The following SGCG variants were observed in gnomAD, a reference collection of about 807,000 sequenced individuals.
SGCG encodes sarcoglycan gamma.
In SGCG, 26 loss-of-function variants were observed where a neutral mutation model predicts 29.3. The observed-to-expected ratio is 0.89, with a 90% CI of 0.65 to 1.23. The LOEUF is 1.23. SGCG is among the 50% of genes most tolerant of loss of function. The probability of loss-of-function intolerance (pLI) is 0.00; values close to 1 mark genes in which losing one functional copy is unlikely to be tolerated. For synonymous variants in SGCG, 145 were observed against 129.7 expected (o/e 1.12, Z -0.80); for missense variants, 353 against 356.0 (o/e 0.99, Z 0.07).
At chr13:23,237,790 A>T (rs1241086069) in intron 3 of SGCG, among the ~76,000 whole-genome samples, 1 of 114,456 alleles carries the variant, frequency 8.7e-6, no homozygotes, top group Non-Finnish European at 1.8e-5. Flanking sequence ...ATATGATGAA[A>T]TCTTCATCTA....
upstream of SGCG, among the ~76,000 whole-genome samples, chr13:23,177,641 G>C (rs1346507864): frequency 7.3e-6 from 1 of 137,106 alleles, no homozygotes; most frequent in Non-Finnish European, 1.5e-5. Context: ...GTGTGATCTC[G>C]GCTCACTGCA....
intron 4 of SGCG, among the ~76,000 whole-genome samples, chr13:23,261,776 T>C (rs1880446750): frequency 6.6e-6 from 1 of 151,986 alleles, no homozygotes; most frequent in Non-Finnish European, 1.5e-5. Flanking sequence ...AGGTAACCTA[T>C]AAAGGAAAAC....
chr13:23,200,849 T>TG (rs1386248577), intron 1 of SGCG, among the ~76,000 whole-genome samples: 2 of 151,964 alleles, frequency 1.3e-5, no homozygotes, highest in African/African-American at 4.8e-5. Context: ...GTCCCTGAGG[T>TG]GGGGTCACAC....
intron 6 of SGCG, among the ~76,000 whole-genome samples, chr13:23,318,498 C>T (rs1167139678): frequency 6.6e-6 from 1 of 150,880 alleles, no homozygotes; most frequent in Non-Finnish European, 1.5e-5. Context: ...CACACATAAG[C>T]ATTTGGATAT....
chr13:23,271,950 ATTTAT>A (rs914992651), intron 4 of SGCG, among the ~76,000 whole-genome samples: 2 of 152,024 alleles, frequency 1.3e-5, no homozygotes, highest in African/African-American at 4.8e-5. Context: ...CTCCACTATT[ATTTAT>A]TTTAACTTTT....
intron 2 of SGCG, among the ~76,000 whole-genome samples, chr13:23,211,160 C>T (rs1878189644): frequency 6.6e-6 from 1 of 152,150 alleles, no homozygotes; most frequent in Non-Finnish European, 1.5e-5. Flanking sequence ...GGAAAATTGC[C>T]GATGCCTGCT....
chr13:23,249,865 T>C (rs1273506814), intron 3 of SGCG, among the ~76,000 whole-genome samples: 1 of 152,188 alleles, frequency 6.6e-6, no homozygotes, highest in Non-Finnish European at 1.5e-5. Context: ...ATAGTTTACC[T>C]GCATGGAAAA....
intron 2 of SGCG, among the ~76,000 whole-genome samples, chr13:23,234,310 C>T (rs1439790482): frequency 6.6e-6 from 1 of 151,768 alleles, no homozygotes. Context: ...TTTTATTGTA[C>T]CTTAATTTAA....
chr13:23,207,705 G>C (rs947656789), intron 2 of SGCG, among the ~76,000 whole-genome samples: 5 of 152,064 alleles, frequency 3.3e-5, no homozygotes, highest in African/African-American at 4.8e-5. Context: ...AAAGTGTTCA[G>C]CATCACTAAT....
chr13:23,243,146 C>T (rs12100062), intron 3 of SGCG, among the ~76,000 whole-genome samples: 5,406 of 152,168 alleles, frequency 0.036, 332 homozygotes, highest in African/African-American at 0.12. Flanking sequence ...AGAGCTTTAC[C>T]GTGTGAACAC....
At chr13:23,313,287 C>G (rs965416924) in intron 6 of SGCG, among the ~76,000 whole-genome samples, 4 of 152,034 alleles carry the variant, frequency 2.6e-5, no homozygotes, top group African/African-American at 9.7e-5. Flanking sequence ...GCCTCAGCCT[C>G]CCAGGTAGCT....
chr13:23,177,488 T>C (rs914612102), upstream of SGCG, among the ~76,000 whole-genome samples: 5 of 152,090 alleles, frequency 3.3e-5, no homozygotes, highest in African/African-American at 1.2e-4. Context: ...AAGTATCACG[T>C]TGTACCCAGT....
intron 4 of SGCG, among the ~76,000 whole-genome samples, chr13:23,254,010 T>G (rs1880083090): frequency 6.6e-6 from 1 of 152,222 alleles, no homozygotes; most frequent in African/African-American, 2.4e-5. Flanking sequence ...TAAACCTCTT[T>G]TCTTTATAAA....
chr13:23,160,625 G>A, the SGCG span, among the ~76,000 whole-genome samples: 2 of 152,106 alleles, frequency 1.3e-5, no homozygotes, highest in East Asian at 3.9e-4. Flanking sequence ...TTTGCGCCCC[G>A]GGACTCCAAG....
chr13:23,311,277 T>C lies in SGCG; in HGVS notation c.579-9360T>C, dbSNP rs555443574. 5.3e-5 allele frequency among the ~76,000 whole-genome samples: 8 copies of C among 152,372 alleles called. No homozygotes were observed. In the South Asian group the frequency reaches 1.7e-3, roughly 32 times the overall value. On this transcript the variant is annotated intron_variant, in intron 6 of 7. Transcript: ENST00000218867. ...TATTGTTAATGTTGGCCATCTGCAGTTTCACCACGGTGTCTGGTATGTGTT... is the reference window on the plus strand; with the variant it reads ...TATTGTTAATGTTGGCCATCTGCAGCTTCACCACGGTGTCTGGTATGTGTT...
chr13:23,167,554 C>G, the SGCG span, among the ~76,000 whole-genome samples: 41 of 152,282 alleles, frequency 2.7e-4, no homozygotes, highest in African/African-American at 9.4e-4. Context: ...CACGTCCTCG[C>G]CAGCATTTGT....
chr13:23,230,291 C>T (rs1021350168), intron 2 of SGCG, among the ~76,000 whole-genome samples: 3 of 152,086 alleles, frequency 2.0e-5, no homozygotes, highest in African/African-American at 7.2e-5. Context: ...TCCATATGAA[C>T]CTTAGAATAG....
chr13:23,273,561 ATTCTAAAAT>A (rs1369576392), intron 4 of SGCG, among the ~76,000 whole-genome samples: 9 of 152,188 alleles, frequency 5.9e-5, no homozygotes, highest in Non-Finnish European at 1.3e-4. Context: ...CATGCCACAG[ATTCTAAAAT>A]ATAGTGTTTT....
rs886042216 is a variant in SGCG, at chr13:23,295,426, G to A, written c.517G>A (p.Ala173Thr). Residue 173 changes from alanine to threonine, a missense_variant, in exon 6 of 8, where the codon GCT (alanine) becomes ACT (threonine). Coordinates refer to ENST00000218867, the MANE Select transcript of SGCG (RefSeq NM_000231.3). ...DKLRVTGPEGALFEHSVETPL... is the reference protein window; with the variant it reads ...DKLRVTGPEGTLFEHSVETPL... ...TGTTTTTTGTTTAGGGCCTGAAGGG[G>A]CTCTTTTTGAACATTCAGTGGAGAC... is the stretch of plus-strand genomic sequence containing the variant. The A allele has an allele frequency of 9.3e-6, 15 of 1,613,558 alleles. No homozygotes were observed. The highest frequency in any genetic ancestry group is 1.3e-5 in the Non-Finnish European group (15 of 1,179,574).
Sources: allele counts gnomAD v4.1 joint callset (sites outside exome capture counted in the v4.1 genomes callset), GRCh38; gene constraint gnomAD v4.1.1; transcripts MANE v1.5; gene names NCBI Gene and HGNC (gene_info 2026-07-23, HGNC 2026-07-21).